NME8: variants seen among roughly 807,000 people sequenced by gnomAD.
NME8 encodes protein NME8.
A neutral mutation model predicts 82.3 loss-of-function variants in NME8; 72 were observed. The observed-to-expected ratio is 0.87, with a 90% CI of 0.72 to 1.06. The LOEUF is 1.06. NME8 is among the 50% of genes least tolerant of loss of function. The pLI is 0.00. For missense variants in NME8, 712 were observed against 685.4 expected (o/e 1.04, Z -0.43); for synonymous variants, 267 against 228.5 (o/e 1.17, Z -1.52).
intron 6 of NME8, among the ~76,000 whole-genome samples, chr7:37,858,431 G>A (rs997217333): frequency 6.6e-6 from 1 of 152,118 alleles, no homozygotes; most frequent in Non-Finnish European, 1.5e-5. Flanking sequence ...AGAATTCAAC[G>A]ATTTAGGTGA....
chr7:37,880,531 C>T (rs891289668), intron 12 of NME8, among the ~76,000 whole-genome samples: 1 of 152,140 alleles, frequency 6.6e-6, no homozygotes, highest in African/African-American at 2.4e-5. Flanking sequence ...TTTTTCTGGG[C>T]TCTCTGCTCT....
intron 11 of NME8, among the ~76,000 whole-genome samples, chr7:37,871,336 G>T (rs1784765159): frequency 6.6e-6 from 1 of 152,194 alleles, no homozygotes; most frequent in South Asian, 2.1e-4. Flanking sequence ...ACCCATGTTT[G>T]TCATTCACAT....
At chr7:37,860,568 C>T (rs932707999) in intron 6 of NME8, among the ~76,000 whole-genome samples, 2 of 152,214 alleles carry the variant, frequency 1.3e-5, no homozygotes, top group Admixed American at 6.5e-5. Context: ...GGCAAATTCA[C>T]CCTTCTTTAT....
chr7:37,895,847 A>G (rs1785219947), intron 16 of NME8, among the ~76,000 whole-genome samples: 2 of 152,206 alleles, frequency 1.3e-5, no homozygotes, highest in African/African-American at 4.8e-5. Context: ...GTATAGTAAC[A>G]TGCTATACAG....
intron 15 of NME8, among the ~76,000 whole-genome samples, chr7:37,891,290 T>C (rs1017661485): frequency 4.6e-5 from 7 of 151,966 alleles, no homozygotes; most frequent in African/African-American, 1.4e-4. Context: ...TAATCCCATT[T>C]GTCTGGTTTT....
At position 37,876,903 on chromosome 7, in the gene NME8, C is replaced by T. The variant is rs1438795505; in HGVS notation, c.890C>T (p.Ala297Val). The T allele has an allele frequency of 1.2e-6, 2 of 1,612,582 alleles. No homozygotes were observed. Among genetic ancestry groups the T allele is most frequent in the Admixed American group, 3.3e-5 (2 of 59,966 alleles). Residue 297 changes from alanine (A) to valine (V), a missense_variant, in exon 12 of 18, where the codon GCT becomes GTT. Physicochemically the swap from Ala to Val is moderately conservative, Grantham distance 64 (BLOSUM62 0). Transcript: ENST00000199447. The stretch of plus-strand genomic sequence containing the variant: ...ATTGAAGAGGATGCAGCTAATGTTG[C>T]TAAGTTCATGGATGCTTTCTTCCCC... ...CDIEEDAANV[A>V]KFMDAFFPDF... is the part of the protein sequence containing the mutation.
chr7:37,869,941 C>G (rs1420411641), intron 11 of NME8, among the ~76,000 whole-genome samples: 1 of 152,150 alleles, frequency 6.6e-6, no homozygotes, highest in Non-Finnish European at 1.5e-5. Context: ...TTTTATCTGC[C>G]TAAGATCCTC....
At chr7:37,898,245 G>A (rs1785260224) in intron 17 of NME8, among the ~76,000 whole-genome samples, 1 of 152,160 alleles carries the variant, frequency 6.6e-6, no homozygotes, top group Admixed American at 6.6e-5. Context: ...TACAGTGATT[G>A]AAAAACCCAC....
In NME8 at chr7:37,894,611, G is replaced by A. The variant is rs1217356752; in HGVS notation, c.1544+1G>A. 1 of 1,583,564 alleles carries A rather than the reference G, an allele frequency of 6.3e-7. No individual in the cohort carries two copies. Among genetic ancestry groups the A allele is most frequent in the Admixed American group, 1.7e-5 (1 of 59,538 alleles). ...AAGATTTATTGGAAATGTTATCTGT[G>A]TAAGTTTCTGATACATAATTGTTTG... is the stretch of plus-strand genomic sequence containing the variant. On this transcript the variant is annotated splice_donor_variant, in intron 16 of 17. Transcript: ENST00000199447. LOFTEE classifies it high-confidence loss of function.
intron 14 of NME8, among the ~76,000 whole-genome samples, chr7:37,887,759 G>A (rs1161213581): frequency 2.0e-5 from 3 of 152,110 alleles, no homozygotes; most frequent in Non-Finnish European, 4.4e-5. Context: ...GAAGCCTCAG[G>A]AAACTTATAA....
chr7:37,883,254 C>A (rs554225557), intron 12 of NME8, among the ~76,000 whole-genome samples: 1 of 152,216 alleles, frequency 6.6e-6, no homozygotes, highest in South Asian at 2.1e-4. Flanking sequence ...AAACTGTGGT[C>A]ATCAGGTACC....
intron 5 of NME8, among the ~76,000 whole-genome samples, chr7:37,855,631 T>A (rs769213924): frequency 1.3e-5 from 2 of 152,220 alleles, no homozygotes; most frequent in African/African-American, 2.4e-5. Flanking sequence ...TGTCTCTTGG[T>A]CAGCAGCAGC....
intron 12 of NME8, 52 bp from the exon 13 acceptor site, chr7:37,884,251 A>G: frequency 1.6e-6 from 2 of 1,230,230 alleles, no homozygotes; most frequent in South Asian, 2.4e-5. Context: ...TATTGTGTAC[A>G]TAACCAGTAA....
intron 12 of NME8, among the ~76,000 whole-genome samples, chr7:37,879,300 C>T (rs1321374494): frequency 2.6e-5 from 4 of 152,120 alleles, no homozygotes; most frequent in African/African-American, 9.7e-5. Context: ...AGGTGTGCCA[C>T]CATGCCCGGC....
intron 5 of NME8, among the ~76,000 whole-genome samples, 174 bp downstream of exon 5, chr7:37,850,909 A>G (rs1784430427): frequency 6.6e-6 from 1 of 152,204 alleles, no homozygotes; most frequent in Non-Finnish European, 1.5e-5. Flanking sequence ...GAGAATGAAT[A>G]TGATTTTTAT....
intron 5 of NME8, among the ~76,000 whole-genome samples, chr7:37,855,188 G>C (rs907208087): frequency 1.3e-5 from 2 of 151,988 alleles, no homozygotes; most frequent in Non-Finnish European, 2.9e-5. Context: ...AGTGACCAGG[G>C]GCATTTTCCA....
chr7:37,877,672 C>T (rs1047889381), intron 12 of NME8, among the ~76,000 whole-genome samples: 2 of 152,126 alleles, frequency 1.3e-5, no homozygotes, highest in Admixed American at 6.6e-5. Context: ...AACCTCAGAC[C>T]GGCTTACATT....
intron 16 of NME8, among the ~76,000 whole-genome samples, chr7:37,896,145 A>C (rs1785226075): frequency 6.6e-6 from 1 of 152,238 alleles, no homozygotes; most frequent in Non-Finnish European, 1.5e-5. Flanking sequence ...AGGAAGGCAG[A>C]ATTTATAAAG....
rs924346595 is a variant in NME8, at chr7:37,883,169, A to G, written c.995-1134A>G. ...TTACCTTCCCTGAATATTTTTCCTGAGCTTTTATCGTGAGTCATTTCAAGA... is the reference window on the plus strand; with the variant it reads ...TTACCTTCCCTGAATATTTTTCCTGGGCTTTTATCGTGAGTCATTTCAAGA... On this transcript the variant is annotated intron_variant, in intron 12 of 17. Transcript: ENST00000199447. Among the ~76,000 whole-genome samples, 5 of 152,194 alleles carry G rather than the reference A, an allele frequency of 3.3e-5. No individual in the cohort carries two copies. The South Asian group carries it at 1.0e-3, about 32-fold the overall frequency.
Sources: gnomAD v4.1 joint callset for allele counts (sites outside exome capture counted in the v4.1 genomes callset) on GRCh38, gnomAD v4.1.1 for gene constraint, MANE v1.5 for transcripts, NCBI Gene and HGNC (gene_info 2026-07-23, HGNC 2026-07-21) for gene names.